MAGI2: variants seen among roughly 807,000 people sequenced by gnomAD.
MAGI2 encodes the protein membrane associated guanylate kinase, WW and PDZ domain containing 2, also known as membrane-associated guanylate kinase, WW and PDZ domain-containing protein 2.
Under a neutral mutation model 133.3 loss-of-function variants are expected in MAGI2, and 35 were observed. The observed-to-expected ratio is 0.26, with a 90% confidence interval of 0.20 to 0.35. The LOEUF (loss-of-function observed/expected upper bound fraction) is 0.35, where lower values mean the gene tolerates loss of function less well. Among genes scored for constraint, MAGI2 ranks in the 10% least tolerant of loss-of-function variants. The probability of loss-of-function intolerance (pLI) is 1.00; values close to 1 mark genes in which losing one functional copy is unlikely to be tolerated. For missense variants in MAGI2, 1,636 were observed against 1,863.4 expected (o/e 0.88, Z 2.25); for synonymous variants, 729 against 710.6 (o/e 1.03, Z -0.41).
At chr7:78,307,076 C>T (rs982970885) in intron 9 of MAGI2, among the ~76,000 whole-genome samples, 4 of 152,164 alleles carry the variant, frequency 2.6e-5, no homozygotes, top group East Asian at 1.9e-4. Context: ...GTTGAACTAT[C>T]GGAATATTAA....
chr7:78,286,984 G>C (rs1036190139), intron 9 of MAGI2, among the ~76,000 whole-genome samples: 1 of 152,170 alleles, frequency 6.6e-6, no homozygotes, highest in Non-Finnish European at 1.5e-5. Context: ...GCTGCACATG[G>C]TAAGTTGGGA....
intron 1 of MAGI2, among the ~76,000 whole-genome samples, chr7:79,407,303 C>A (rs1845870138): frequency 6.6e-6 from 1 of 152,142 alleles, no homozygotes; most frequent in Non-Finnish European, 1.5e-5. Context: ...AAAACCTTCA[C>A]ATGGCTATTT....
chr7:79,291,144 A>G (rs1487785593), intron 1 of MAGI2, among the ~76,000 whole-genome samples: 2 of 152,066 alleles, frequency 1.3e-5, no homozygotes, highest in Non-Finnish European at 2.9e-5. Flanking sequence ...CCTATTCTGG[A>G]CATTTCATAT....
chr7:79,356,989 G>T (rs1311136176), intron 1 of MAGI2, among the ~76,000 whole-genome samples: 1 of 152,142 alleles, frequency 6.6e-6, no homozygotes, highest in Non-Finnish European at 1.5e-5. Context: ...GTTTAAATCT[G>T]CAACTCTGTC....
chr7:78,656,781 A>G (rs561077505), intron 2 of MAGI2, among the ~76,000 whole-genome samples: 2 of 152,178 alleles, frequency 1.3e-5, no homozygotes, highest in Non-Finnish European at 2.9e-5. Flanking sequence ...TCTTAAGTAT[A>G]TATAATTTTA....
At chr7:78,819,647 T>C (rs754135646) in intron 2 of MAGI2, among the ~76,000 whole-genome samples, 15 of 152,050 alleles carry the variant, frequency 9.9e-5, no homozygotes, top group Non-Finnish European at 1.8e-4. Context: ...TGTGTGTGTG[T>C]GCAAATTGGT....
chr7:79,037,992 T>C (rs1023172577), intron 1 of MAGI2, among the ~76,000 whole-genome samples: 5 of 152,220 alleles, frequency 3.3e-5, no homozygotes, highest in Non-Finnish European at 7.3e-5. Flanking sequence ...TTTTAATTTC[T>C]GTCTACTTGC....
intron 21 of MAGI2, among the ~76,000 whole-genome samples, chr7:78,027,048 G>A (rs1285962368): frequency 6.6e-6 from 1 of 152,154 alleles, no homozygotes; most frequent in Admixed American, 6.5e-5. Flanking sequence ...CTTGTTCAAG[G>A]CCACACAGCT....
At chr7:79,077,134 T>G (rs1235166740) in intron 1 of MAGI2, among the ~76,000 whole-genome samples, 1 of 152,228 alleles carries the variant, frequency 6.6e-6, no homozygotes. Flanking sequence ...GAGGTGATTC[T>G]GTCCAAATTA....
chr7:78,122,461 A>C (rs1820565296), intron 20 of MAGI2, among the ~76,000 whole-genome samples: 1 of 152,166 alleles, frequency 6.6e-6, no homozygotes, highest in African/African-American at 2.4e-5. Flanking sequence ...TGTTTTAGTC[A>C]TTCCAAAGCC....
At chr7:78,101,236 A>G (rs922856386) in intron 20 of MAGI2, among the ~76,000 whole-genome samples, 2 of 152,232 alleles carry the variant, frequency 1.3e-5, no homozygotes, top group Non-Finnish European at 2.9e-5. Flanking sequence ...TTGACCTCAA[A>G]TTGCCAAAGC....
chr7:79,312,577 C>T (rs1838372398), intron 1 of MAGI2, among the ~76,000 whole-genome samples: 1 of 152,166 alleles, frequency 6.6e-6, no homozygotes, highest in Admixed American at 6.6e-5. Flanking sequence ...GAATTCATAA[C>T]TAATAACATA....
intron 3 of MAGI2, among the ~76,000 whole-genome samples, chr7:78,557,097 A>AAAAAAAAAAAAAAAAAAGAAAG (rs1554473311): frequency 1.4e-5 from 2 of 138,998 alleles, no homozygotes; most frequent in African/African-American, 6.0e-5. Context: ...AAAAAAAAAA[A>AAAAAAAAAAAAAAAAAAGAAAG]AAAGAAAAAG....
rs1798219382 is a variant in MAGI2 at position 78,909,376 on chromosome 7, G to A, written c.418+97714C>T. On this transcript the variant is annotated intron_variant, in intron 2 of 21. Transcript: ENST00000354212. ...TGGGAGGCTGAGGTGGGTGGATCAC[G>A]AGGTCAGGAGATCAAGATCATCCTG... is the stretch of plus-strand genomic sequence containing the variant. 2.7e-5 allele frequency among the ~76,000 whole-genome samples: 4 copies of A among 150,426 alleles called. No homozygotes were observed. The South Asian group carries it at 6.3e-4, about 24-fold the overall frequency.
At chr7:78,406,797 G>A (rs1797419133) in intron 6 of MAGI2, among the ~76,000 whole-genome samples, 1 of 152,008 alleles carries the variant, frequency 6.6e-6, no homozygotes, top group African/African-American at 2.4e-5. Context: ...AAAGCTGTGA[G>A]CTCTAACATA....
intron 10 of MAGI2, among the ~76,000 whole-genome samples, chr7:78,235,953 T>C (rs1163381109): frequency 6.6e-6 from 1 of 151,798 alleles, no homozygotes; most frequent in East Asian, 1.9e-4. Context: ...TAGCAGCACA[T>C]ATTATACTAG....
chr7:78,047,668 T>C (rs967927940), intron 21 of MAGI2, among the ~76,000 whole-genome samples: 2 of 152,218 alleles, frequency 1.3e-5, no homozygotes, highest in South Asian at 2.1e-4. Flanking sequence ...ATTGTCCTTG[T>C]GGCCCCCAGC....
At chr7:78,237,622 T>C (rs1790687225) in intron 10 of MAGI2, among the ~76,000 whole-genome samples, 1 of 152,186 alleles carries the variant, frequency 6.6e-6, no homozygotes, top group African/African-American at 2.4e-5. Flanking sequence ...CACTTAACAT[T>C]GGCACAAATA....
intron 7 of MAGI2, among the ~76,000 whole-genome samples, chr7:78,361,740 G>C (rs1792833567): frequency 6.6e-6 from 1 of 152,182 alleles, no homozygotes; most frequent in Non-Finnish European, 1.5e-5. Flanking sequence ...TTGATAAGAT[G>C]TAAGAGTCGC....
Sources: gnomAD v4.1 joint callset for allele counts (sites outside exome capture counted in the v4.1 genomes callset) on GRCh38, gnomAD v4.1.1 for gene constraint, MANE v1.5 for transcripts, NCBI Gene and HGNC (gene_info 2026-07-23, HGNC 2026-07-21) for gene names.